DPP6: variants seen among roughly 807,000 people sequenced by gnomAD.
The protein encoded by DPP6 is A-type potassium channel modulatory protein DPP6.
Under a neutral mutation model 122.6 loss-of-function variants are expected in DPP6, and 69 were observed. The observed-to-expected ratio is 0.56, with a 90% CI of 0.46 to 0.69. The LOEUF (loss-of-function observed/expected upper bound fraction) is 0.69, where lower values mean the gene tolerates loss of function less well. Among genes scored for constraint, DPP6 ranks in the 30% least tolerant of loss-of-function variants. DPP6 has a pLI of 0.00. For synonymous variants in DPP6, 418 were observed against 433.1 expected, an observed-to-expected ratio of 0.97 and a Z score of 0.43; for missense variants, 928 against 1,116.9, an observed-to-expected ratio of 0.83 and a Z score of 2.41.
intron 4 of DPP6, among the ~76,000 whole-genome samples, chr7:154,550,564 G>C (rs2130368151): frequency 6.6e-6 from 1 of 151,950 alleles, no homozygotes; most frequent in East Asian, 1.9e-4. Context: ...GTTTATTAAG[G>C]GTTTACTTAA....
chr7:154,023,465 G>C (rs1798817099), intron 1 of DPP6, among the ~76,000 whole-genome samples: 1 of 151,502 alleles, frequency 6.6e-6, no homozygotes, highest in African/African-American at 2.4e-5. Flanking sequence ...TAATGGAATT[G>C]GTATATTTGA....
chr7:153,974,045 G>A (rs911382050), intron 1 of DPP6, among the ~76,000 whole-genome samples: 4 of 151,984 alleles, frequency 2.6e-5, no homozygotes, highest in African/African-American at 9.7e-5. Context: ...ACTTACCTAT[G>A]CAGGTCCAAT....
rs185244189 is a variant in DPP6 at position 154,483,173 on chromosome 7, T to C, written c.457+8136T>C. 4.5e-4 allele frequency among the ~76,000 whole-genome samples: 69 copies of C among 152,012 alleles called. No homozygotes were observed. Among genetic ancestry groups the C allele is most frequent in the African/African-American group, 1.7e-3 (69 of 41,464 alleles). On this transcript the variant is annotated intron_variant, in intron 3 of 25. Transcript: ENST00000377770. This position sits in a 1 kb window ranked among gnomAD's most constrained non-coding sequence, Gnocchi z 8.1. ...GGAGGAGAACTTCTACCACGCCACG[T>C]CAAAGTCAAGGCAGGAGAAAATGCT... is the stretch of plus-strand genomic sequence containing the variant.
chr7:154,639,430 A>G (rs1368062376), intron 6 of DPP6, among the ~76,000 whole-genome samples: 3 of 152,244 alleles, frequency 2.0e-5, no homozygotes, highest in African/African-American at 7.2e-5. Context: ...AGGCAGGACT[A>G]TAATTATGCC....
intron 1 of DPP6, among the ~76,000 whole-genome samples, chr7:154,031,802 ATTGT>A (rs374560482): frequency 0.018 from 2,666 of 150,436 alleles, 77 homozygotes; most frequent in African/African-American, 0.062. Flanking sequence ...TCAAATTTGC[ATTGT>A]TTATCATTGG....
chr7:154,218,726 G>C (rs1375518130), intron 1 of DPP6, among the ~76,000 whole-genome samples: 2 of 152,116 alleles, frequency 1.3e-5, no homozygotes, highest in African/African-American at 4.8e-5. Flanking sequence ...CTATCTTTCA[G>C]CTCATCTGGA....
chr7:154,494,910 A>G (rs915543518), intron 3 of DPP6, among the ~76,000 whole-genome samples: 7 of 152,322 alleles, frequency 4.6e-5, no homozygotes, highest in Non-Finnish European at 1.0e-4. Context: ...AAGACATAAC[A>G]AAGCATGGGT....
chr7:154,245,511 C>T (rs1347641871), intron 1 of DPP6, among the ~76,000 whole-genome samples: 1 of 151,108 alleles, frequency 6.6e-6, no homozygotes, highest in Non-Finnish European at 1.5e-5. Context: ...GGCGGGTGGC[C>T]TATAATCCCA....
In DPP6 at chr7:154,132,078, G is replaced by A. The variant is rs573685744; in HGVS notation, c.243+79015G>A. Among the ~76,000 whole-genome samples the A allele has an allele frequency of 4.7e-3, 717 of 152,090 alleles. 2 individuals carry two copies. The highest frequency in any genetic ancestry group is 0.017 in the African/African-American group (686 of 41,436). ...TCCTCCTAAATTTAACCTAGGTTAA[G>A]AATATTTTCAGTCACTATTTGTTGA... On this transcript the variant is annotated intron_variant, in intron 1 of 25. Coordinates refer to ENST00000377770, the MANE Select transcript of DPP6 (RefSeq NM_130797.4).
chr7:154,113,410 TATACACACACACAC>T (rs1468242549), intron 1 of DPP6, among the ~76,000 whole-genome samples: 1 of 139,790 alleles, frequency 7.2e-6, no homozygotes, highest in African/African-American at 2.7e-5. Context: ...TATATATATA[TATACACACACACAC>T]ACACACATAC....
chr7:154,791,899 T>C (rs958850525), intron 10 of DPP6, among the ~76,000 whole-genome samples: 1 of 152,256 alleles, frequency 6.6e-6, no homozygotes, highest in African/African-American at 2.4e-5. Flanking sequence ...TTTGCATCCA[T>C]CTCATTTTCA....
At chr7:154,795,455 C>T (rs1045508458) in intron 11 of DPP6, among the ~76,000 whole-genome samples, 2 of 152,210 alleles carry the variant, frequency 1.3e-5, no homozygotes, top group Non-Finnish European at 2.9e-5. Context: ...GGGATCTGGA[C>T]ACAATGTCCA....
In DPP6 at chr7:154,601,997, T is replaced by C. The variant is rs1158944533; in HGVS notation, c.627+35081T>C. 4.1e-5 allele frequency among the ~76,000 whole-genome samples: 5 copies of C among 121,676 alleles called. 1 individual carries two copies. Among genetic ancestry groups the C allele is most frequent in the Admixed American group, 1.8e-4 (2 of 10,916 alleles). The allele number at this position is 121,676 out of a possible 152,430, so 79.8% of individuals were successfully genotyped here. A position where few individuals can be genotyped will look rare whatever the true frequency, so the allele number is the denominator to read the frequency against. On this transcript the variant is annotated intron_variant, in intron 5 of 25. Coordinates refer to ENST00000377770, the MANE Select transcript of DPP6 (RefSeq NM_130797.4). ...TGCTATTAGGTTGGTGCAAAAGTAA[T>C]TGTGGTTCTTGCCAGTAAAAGTAAT...
At chr7:153,768,754 T>G in the DPP6 span, among the ~76,000 whole-genome samples, 1 of 152,220 alleles carries the variant, frequency 6.6e-6, no homozygotes, top group Non-Finnish European at 1.5e-5. Flanking sequence ...GTCAGATATA[T>G]GCATTGCAGT....
intron 1 of DPP6, among the ~76,000 whole-genome samples, chr7:154,445,360 TC>T (rs1389774500): frequency 1.3e-5 from 2 of 152,222 alleles, no homozygotes; most frequent in African/African-American, 4.8e-5. Context: ...TATCAAGCAT[TC>T]ATATGATCCT....
intron 10 of DPP6, among the ~76,000 whole-genome samples, chr7:154,773,483 C>A (rs1306346961): frequency 6.6e-6 from 1 of 152,048 alleles, no homozygotes; most frequent in African/African-American, 2.4e-5. Flanking sequence ...GATTTAGGAT[C>A]GAATGTAGTG....
At chr7:154,107,490 G>A (rs1036875137) in intron 1 of DPP6, among the ~76,000 whole-genome samples, 12 of 152,108 alleles carry the variant, frequency 7.9e-5, no homozygotes, top group African/African-American at 2.7e-4. Flanking sequence ...AAGTTTTTGA[G>A]ATCAATTGCA....
At chr7:153,918,264 G>T (rs1800414116) in intron 1 of DPP6, among the ~76,000 whole-genome samples, 1 of 152,130 alleles carries the variant, frequency 6.6e-6, no homozygotes. Context: ...AAATATAATT[G>T]AAAATTGCAC....
At chr7:154,730,152 C>G (rs531039743) in intron 8 of DPP6, among the ~76,000 whole-genome samples, 1 of 152,302 alleles carries the variant, frequency 6.6e-6, no homozygotes, top group Admixed American at 6.5e-5. Flanking sequence ...TACCTAGGAG[C>G]AACTGGAAAA....
Sources: allele counts gnomAD v4.1 joint callset (sites outside exome capture counted in the v4.1 genomes callset), GRCh38; gene constraint gnomAD v4.1.1; non-coding constraint Gnocchi (gnomAD v3.1); transcripts MANE v1.5; gene names NCBI Gene and HGNC (gene_info 2026-07-23, HGNC 2026-07-21).